Variants in KLHL29 observed in about 807,000 individuals in gnomAD.
The protein encoded by KLHL29 is kelch like family member 29, also known as kelch-like protein 29.
Under a neutral mutation model 80.4 loss-of-function variants are expected in KLHL29, and 21 were observed. The ratio of observed to expected loss-of-function variants is 0.26; its 90% CI spans 0.19 to 0.38. The LOEUF (loss-of-function observed/expected upper bound fraction) is 0.38. Among genes scored for constraint, KLHL29 ranks in the 10% least tolerant of loss-of-function variants. The pLI, the probability that KLHL29 is intolerant of heterozygous loss-of-function variation, is 1.00. For synonymous variants in KLHL29, 511 were observed against 526.8 expected (o/e 0.97, Z 0.41); for missense variants, 867 against 1,223.9 (o/e 0.71, Z 4.35).
chr2:23,580,949 G>T (rs1667965817), intron 3 of KLHL29, among the ~76,000 whole-genome samples: 1 of 152,222 alleles, frequency 6.6e-6, no homozygotes, highest in African/African-American at 2.4e-5. Context: ...CTGCACTCCA[G>T]CCTGGTGACA....
chr2:23,699,155 C>T (rs977924702), intron 11 of KLHL29, among the ~76,000 whole-genome samples: 9 of 152,256 alleles, frequency 5.9e-5, no homozygotes, highest in African/African-American at 2.2e-4. Context: ...ACATCACCCT[C>T]GCTCAGAGGC....
At chr2:23,481,842 G>A (rs1355627866) in intron 2 of KLHL29, among the ~76,000 whole-genome samples, 3 of 152,068 alleles carry the variant, frequency 2.0e-5, no homozygotes, top group South Asian at 2.1e-4. Context: ...GCTTGAACCC[G>A]GGAGGCAGAG....
At chr2:23,640,772 G>A (rs1388485821) in intron 4 of KLHL29, among the ~76,000 whole-genome samples, 7 of 152,222 alleles carry the variant, frequency 4.6e-5, no homozygotes, top group Non-Finnish European at 7.3e-5. Context: ...AAACTGGCTC[G>A]GGAAAGGCTT....
chr2:23,604,439 G>T (rs1214531529), intron 3 of KLHL29, among the ~76,000 whole-genome samples: 1 of 152,190 alleles, frequency 6.6e-6, no homozygotes, highest in Non-Finnish European at 1.5e-5. Flanking sequence ...GTTGCTGCTG[G>T]TTACCGGGCT....
intron 5 of KLHL29, among the ~76,000 whole-genome samples, chr2:23,677,687 C>T (rs1670962172): frequency 6.6e-6 from 1 of 152,190 alleles, no homozygotes; most frequent in South Asian, 2.1e-4. Context: ...GCTTGGGAGG[C>T]GCGTGGAGCA....
chr2:23,416,212 G>A (rs1666981253), intron 1 of KLHL29, among the ~76,000 whole-genome samples: 1 of 152,136 alleles, frequency 6.6e-6, no homozygotes, highest in Non-Finnish European at 1.5e-5. Context: ...AAACACTGAT[G>A]CATCCCAAGT....
At chr2:23,576,195 C>T (rs867751474) in intron 3 of KLHL29, among the ~76,000 whole-genome samples, 1 of 151,588 alleles carries the variant, frequency 6.6e-6, no homozygotes, top group Non-Finnish European at 1.5e-5. Context: ...ATCTCAGCTG[C>T]TTGGGAGGCT....
chr2:23,415,494 A>C (rs542578940), intron 1 of KLHL29, among the ~76,000 whole-genome samples: 1 of 152,222 alleles, frequency 6.6e-6, no homozygotes, highest in Non-Finnish European at 1.5e-5. Context: ...GAAAGCTATT[A>C]TTTGTTCCCA....
chr2:23,482,337 C>T (rs1465675), intron 2 of KLHL29, among the ~76,000 whole-genome samples: 33,796 of 152,164 alleles, frequency 0.22, 3,945 homozygotes, highest in African/African-American at 0.27. Flanking sequence ...AGGCCTGTCT[C>T]CTTGCTTACC....
chr2:23,623,439 G>A (rs1283633753), intron 3 of KLHL29, among the ~76,000 whole-genome samples: 1 of 152,216 alleles, frequency 6.6e-6, no homozygotes, highest in Admixed American at 6.5e-5. Flanking sequence ...GTTACCATCT[G>A]TTTCCCTCCA....
At chr2:23,537,534 T>C (rs1481571540) in intron 2 of KLHL29, among the ~76,000 whole-genome samples, 3 of 147,840 alleles carry the variant, frequency 2.0e-5, no homozygotes, top group African/African-American at 4.9e-5. Context: ...CCCAATATTA[T>C]GTCAGGTGCA....
At chr2:23,414,829 A>C (rs1666947218) in intron 1 of KLHL29, among the ~76,000 whole-genome samples, 1 of 152,262 alleles carries the variant, frequency 6.6e-6, no homozygotes, top group Admixed American at 6.5e-5. Flanking sequence ...AATGCATTGC[A>C]TTTAAAGTGC....
chr2:23,584,564 A>C (rs184082663), intron 3 of KLHL29, among the ~76,000 whole-genome samples: 43 of 152,332 alleles, frequency 2.8e-4, no homozygotes, highest in Admixed American at 8.5e-4. Flanking sequence ...ACGTCCCTCC[A>C]AGCCTTTGGC....
chr2:23,594,517 G>T (rs979448693), intron 3 of KLHL29, among the ~76,000 whole-genome samples: 5 of 152,162 alleles, frequency 3.3e-5, no homozygotes, highest in African/African-American at 1.2e-4. Flanking sequence ...CATTAAAAAT[G>T]GCCTTCCTGC....
chr2:23,618,138 C>A (rs150300380), intron 3 of KLHL29, among the ~76,000 whole-genome samples: 1 of 152,120 alleles, frequency 6.6e-6, no homozygotes, highest in African/African-American at 2.4e-5. Flanking sequence ...GGAAGGAATT[C>A]TCCAGCCCTG....
At chr2:23,413,808 C>T (rs1254712896) in intron 1 of KLHL29, among the ~76,000 whole-genome samples, 2 of 152,212 alleles carry the variant, frequency 1.3e-5, no homozygotes, top group African/African-American at 4.8e-5. Context: ...TCCCTAGCTC[C>T]CGCCCTTCCT....
At chr2:23,599,760 A>C (rs1462417086) in intron 3 of KLHL29, among the ~76,000 whole-genome samples, 1 of 152,158 alleles carries the variant, frequency 6.6e-6, no homozygotes, top group Non-Finnish European at 1.5e-5. Flanking sequence ...GAGTGTGTGC[A>C]TTACTGTTTG....
At chr2:23,399,266 A>G (rs1015154766) in intron 1 of KLHL29, among the ~76,000 whole-genome samples, 1 of 152,192 alleles carries the variant, frequency 6.6e-6, no homozygotes, top group Non-Finnish European at 1.5e-5. Flanking sequence ...GTTCCCTTCC[A>G]TGCCTAGCTG....
In KLHL29 at chr2:23,465,003, C is replaced by T. The variant is rs187320126; in HGVS notation, c.-153-10557C>T. Among the ~76,000 whole-genome samples, 32 of 152,314 alleles carry T rather than the reference C, an allele frequency of 2.1e-4. No homozygotes were observed. The East Asian group carries it at 5.2e-3, about 25-fold the overall frequency. The stretch of plus-strand genomic sequence containing the variant: ...CAACAGCAGCCCTTCCTCATCTAAA[C>T]AGGCTGCTTGCAGACAGATCGCTTA... On this transcript the variant is annotated intron_variant, in intron 1 of 13. Coordinates refer to ENST00000486442, the MANE Select transcript of KLHL29 (RefSeq NM_052920.2).
Sources: allele counts gnomAD v4.1 joint callset (sites outside exome capture counted in the v4.1 genomes callset), GRCh38; gene constraint gnomAD v4.1.1; transcripts MANE v1.5; gene names NCBI Gene and HGNC (gene_info 2026-07-23, HGNC 2026-07-21).